The following ETFA variants were observed in gnomAD, a reference collection of about 807,000 sequenced individuals.
The protein encoded by ETFA is electron transfer flavoprotein subunit alpha.
In ETFA, 22 loss-of-function variants were observed where a neutral mutation model predicts 46.2. The observed-to-expected ratio is 0.48, with a 90% CI of 0.34 to 0.68. The LOEUF (loss-of-function observed/expected upper bound fraction) is 0.68. Ranked by LOEUF, ETFA falls within the 30% of genes least tolerant of loss-of-function variation. The pLI, the probability that ETFA is intolerant of heterozygous loss-of-function variation, is 0.01. For synonymous variants in ETFA, 131 were observed against 139.9 expected (o/e 0.94, Z 0.45); for missense variants, 345 against 401.1 (o/e 0.86, Z 1.19).
At chr15:76,270,868 G>A (rs1178528681) in intron 9 of ETFA, among the ~76,000 whole-genome samples, 1 of 151,970 alleles carries the variant, frequency 6.6e-6, no homozygotes, top group Non-Finnish European at 1.5e-5. Context: ...ATAAACAAAT[G>A]AATAAATCAA....
chr15:76,302,123 T>C (rs994709694), intron 1 of ETFA, among the ~76,000 whole-genome samples: 7 of 152,236 alleles, frequency 4.6e-5, no homozygotes, highest in Non-Finnish European at 1.0e-4. Flanking sequence ...GAAGACAGTT[T>C]GGCAGTTGCT....
At chr15:76,298,858 A>G (rs1422063843) in intron 1 of ETFA, among the ~76,000 whole-genome samples, 1 of 152,226 alleles carries the variant, frequency 6.6e-6, no homozygotes, top group Non-Finnish European at 1.5e-5. Context: ...CTATAACTCT[A>G]AAATCCTATT....
chr15:76,260,509 C>T, intron 9 of ETFA: 1 of 1,516,786 alleles, frequency 6.6e-7, no homozygotes, highest in Non-Finnish European at 9.1e-7. Flanking sequence ...CCACAGCCAA[C>T]TGCACTGGAG....
At chr15:76,296,762 C>T (rs1440791720) in intron 1 of ETFA, among the ~76,000 whole-genome samples, 1 of 152,082 alleles carries the variant, frequency 6.6e-6, no homozygotes, top group Non-Finnish European at 1.5e-5. Context: ...TAATTTTAAA[C>T]ACAAGGAACA....
intron 8 of ETFA, among the ~76,000 whole-genome samples, chr15:76,277,017 AC>A (rs2141519605): frequency 6.6e-6 from 1 of 152,330 alleles, no homozygotes; most frequent in South Asian, 2.1e-4. Flanking sequence ...CATGATGTAC[AC>A]GGGTAAAAGG....
chr15:76,252,353 C>A (rs1596200307), intron 9 of ETFA, among the ~76,000 whole-genome samples: 1 of 152,166 alleles, frequency 6.6e-6, no homozygotes, highest in East Asian at 1.9e-4. Flanking sequence ...CCTCACACAG[C>A]CAGAATTTTT....
Position 76,259,622 on chromosome 15 carries a change from C to G in ETFA, c.816+14790G>C, listed in dbSNP as rs541175051. On this transcript the variant is annotated intron_variant, in intron 9 of 11. Coordinates refer to ENST00000557943, the MANE Select transcript of ETFA (RefSeq NM_000126.4). ...TGTCAGCCAGGCTCTCCAGGGCCAGCCACTTGACGGGCAATTTGGAGGCAC... is the reference window on the plus strand; with the variant it reads ...TGTCAGCCAGGCTCTCCAGGGCCAGGCACTTGACGGGCAATTTGGAGGCAC... 6 of 881,044 alleles carry G rather than the reference C, an allele frequency of 6.8e-6. No individual in the cohort carries two copies. In the African/African-American group the frequency reaches 9.8e-5, roughly 14 times the overall value. The allele number at this position is 881,044 out of a possible 1,614,324, so 54.6% of individuals were successfully genotyped here. A position where few individuals can be genotyped will look rare whatever the true frequency, so the allele number is the denominator to read the frequency against.
intron 11 of ETFA, among the ~76,000 whole-genome samples, chr15:76,223,547 T>C (rs1306007731): frequency 6.6e-6 from 1 of 152,160 alleles, no homozygotes; most frequent in Non-Finnish European, 1.5e-5. Context: ...TTCTAAGCTG[T>C]AGGAGATAGT....
At chr15:76,284,393 A>G (rs957823458) in intron 7 of ETFA, 2 of 175,994 alleles carry the variant, frequency 1.1e-5, no homozygotes, top group Non-Finnish European at 2.4e-5. Flanking sequence ...GGGAGGCTGA[A>G]GTGGGCGGAT....
At position 76,216,354 on chromosome 15, in the gene ETFA, A is replaced by G; in HGVS notation, c.*205T>C. Reference sequence around the variant, plus strand: ...TTTAGTACAGAATTTAAAAAGTTCAAACAATAATTGTTTGGAACCACAAAT... The same window carrying G: ...TTTAGTACAGAATTTAAAAAGTTCAGACAATAATTGTTTGGAACCACAAAT... On this transcript the variant is annotated 3_prime_UTR_variant, in exon 12 of 12. Coordinates refer to ENST00000557943, the MANE Select transcript of ETFA (RefSeq NM_000126.4). 1.8e-6 allele frequency: 1 copy of G among 546,924 alleles called. No homozygotes were observed. Among genetic ancestry groups the G allele is most frequent in the Non-Finnish European group, 3.2e-6 (1 of 311,274 alleles). 33.9% of individuals were successfully genotyped at this position (546,924 alleles called of 1,614,324 possible). A position where few individuals can be genotyped will look rare whatever the true frequency, so the allele number is the denominator to read the frequency against.
intron 2 of ETFA, among the ~76,000 whole-genome samples, chr15:76,293,839 G>A (rs143693378): frequency 1.1e-3 from 174 of 152,302 alleles, no homozygotes; most frequent in African/African-American, 4.1e-3. Context: ...TACTACAGAG[G>A]CCCTTTATTA....
At chr15:76,289,195 A>G (rs1479667797) in intron 4 of ETFA, among the ~76,000 whole-genome samples, 2 of 151,930 alleles carry the variant, frequency 1.3e-5, no homozygotes, top group African/African-American at 2.4e-5. Flanking sequence ...TGGCACCCCA[A>G]AGTGCTGGGA....
intron 9 of ETFA, chr15:76,259,255 G>T: frequency 1.9e-6 from 3 of 1,560,944 alleles, no homozygotes; most frequent in Non-Finnish European, 2.6e-6. Flanking sequence ...ATGTATAAGG[G>T]GTCCTGGCTG....
chr15:76,294,678 T>C (rs774980563), intron 2 of ETFA, among the ~76,000 whole-genome samples: 3 of 152,196 alleles, frequency 2.0e-5, no homozygotes, highest in Non-Finnish European at 4.4e-5. Context: ...GCCTTCCAAG[T>C]AGCTGGGACT....
At chr15:76,289,013 GGGCTCAAGAGATTATTCT>G (rs2039730672) in intron 4 of ETFA, among the ~76,000 whole-genome samples, 1 of 145,304 alleles carries the variant, frequency 6.9e-6, no homozygotes, top group African/African-American at 2.5e-5. Context: ...TTGAACTCCT[GGGCTCAAGAGATTATTCT>G]GCCTTGGCCT....
chr15:76,233,607 C>CA (rs1244017483), intron 9 of ETFA, among the ~76,000 whole-genome samples: 1 of 152,200 alleles, frequency 6.6e-6, no homozygotes, highest in Non-Finnish European at 1.5e-5. Flanking sequence ...GGATTACTGG[C>CA]ATGAGCCACG....
chr15:76,216,452 A>T lies in ETFA; in HGVS notation c.*107T>A. 1.4e-6 allele frequency: 1 copy of T among 708,052 alleles called. No homozygotes were observed. The highest frequency in any genetic ancestry group is 1.6e-5 in the South Asian group (1 of 61,078). The allele number at this position is 708,052 out of a possible 1,614,324, so 43.9% of individuals were successfully genotyped here. A position where few individuals can be genotyped will look rare whatever the true frequency, so the allele number is the denominator to read the frequency against. On this transcript the variant is annotated 3_prime_UTR_variant, in exon 12 of 12. Coordinates refer to ENST00000557943, the MANE Select transcript of ETFA (RefSeq NM_000126.4). ...GTTAGAAATTTTCCCTCAAATTATG[A>T]AATGTAGCTCTCCATGCTTTCCAAT... is the stretch of plus-strand genomic sequence containing the variant.
rs1313617797 is a variant in ETFA at position 76,311,443 on chromosome 15, T to C, written c.-55A>G. ...TACAGCAGCCCCGTGCCCGGCCAAC[T>C]GGCGCCGCCTCAGCCAGTCACCTAA... On this transcript the variant is annotated 5_prime_UTR_variant, in exon 1 of 12. Transcript: ENST00000557943. The C allele has an allele frequency of 3.4e-5, 53 of 1,541,092 alleles. No homozygotes were observed. Among genetic ancestry groups the C allele is most frequent in the Admixed American group, 3.9e-5 (2 of 50,998 alleles).
At chr15:76,287,987 G>A (rs760572195) in intron 4 of ETFA, 42 bp from the exon 5 acceptor site, 2 of 1,170,972 alleles carry the variant, frequency 1.7e-6, no homozygotes, top group South Asian at 1.2e-5. Context: ...CATACATAGT[G>A]ATGGAAGACT....
Sources: gnomAD v4.1 joint callset for allele counts (sites outside exome capture counted in the v4.1 genomes callset) on GRCh38, gnomAD v4.1.1 for gene constraint, MANE v1.5 for transcripts, NCBI Gene and HGNC (gene_info 2026-07-23, HGNC 2026-07-21) for gene names.